The following PEBP4 variants were observed in gnomAD, a reference collection of about 807,000 sequenced individuals.
PEBP4 encodes the protein phosphatidylethanolamine-binding protein 4.
Under a neutral mutation model 23.9 loss-of-function variants are expected in PEBP4, and 22 were observed. The observed-to-expected ratio is 0.92, with a 90% CI of 0.66 to 1.31. PEBP4 has a LOEUF of 1.31. PEBP4 is among the 40% of genes most tolerant of loss of function. PEBP4 has a pLI of 0.00. For missense variants in PEBP4, 324 were observed against 281.7 expected (o/e 1.15, Z -1.07); for synonymous variants, 112 against 99.3 (o/e 1.13, Z -0.76).
At chr8:22,757,340 C>T in intron 4 of PEBP4, 1 of 152,282 alleles carries the variant, frequency 6.6e-6, no homozygotes. Flanking sequence ...ATTCCCACGA[C>T]AGGTTCCCGA....
chr8:22,741,114 C>T (rs150751660), intron 4 of PEBP4, among the ~76,000 whole-genome samples: 13 of 152,194 alleles, frequency 8.5e-5, no homozygotes, highest in East Asian at 1.9e-4. Context: ...GGGGCAGCCC[C>T]GGTGTGCAGG....
intron 4 of PEBP4, among the ~76,000 whole-genome samples, chr8:22,763,028 C>A (rs577865067): frequency 1.3e-5 from 2 of 149,996 alleles, no homozygotes; most frequent in Admixed American, 6.6e-5. Context: ...TTTTTGAGAT[C>A]GGGTCTTGCT....
At chr8:22,843,051 C>T (rs926037431) in intron 3 of PEBP4, among the ~76,000 whole-genome samples, 3 of 152,228 alleles carry the variant, frequency 2.0e-5, no homozygotes, top group African/African-American at 7.2e-5. Flanking sequence ...TGGTCTCGAA[C>T]TCCTGACCTT....
rs983205050 is a variant in PEBP4, at chr8:22,851,205, A to G, written c.259-33470T>C. On this transcript the variant is annotated intron_variant, in intron 3 of 6. Coordinates refer to ENST00000256404, the MANE Select transcript of PEBP4 (RefSeq NM_144962.3). ...CATGGTGCCTCTAGTAAGTTCTAAC[A>G]TGCAGGACTCCACGGAGACTCCTGG... 4.6e-5 allele frequency among the ~76,000 whole-genome samples: 7 copies of G among 152,172 alleles called. 1 individual carries two copies. The highest frequency in any genetic ancestry group is 9.7e-5 in the African/African-American group (4 of 41,442).
At chr8:22,841,867 T>A (rs986438503) in intron 3 of PEBP4, among the ~76,000 whole-genome samples, 1 of 152,256 alleles carries the variant, frequency 6.6e-6, no homozygotes, top group Non-Finnish European at 1.5e-5. Flanking sequence ...GTGCACTGCC[T>A]TCGCAGAGAA....
At chr8:22,723,693 C>T (rs1204248543) in intron 6 of PEBP4, among the ~76,000 whole-genome samples, 1 of 152,244 alleles carries the variant, frequency 6.6e-6, no homozygotes, top group Non-Finnish European at 1.5e-5. Context: ...TTTGGCAAAG[C>T]CGTTTAAACA....
intron 4 of PEBP4, among the ~76,000 whole-genome samples, chr8:22,791,085 C>T (rs1806127249): frequency 6.6e-6 from 1 of 152,164 alleles, no homozygotes; most frequent in Admixed American, 6.5e-5. Context: ...GGTAATGTTG[C>T]TGCACCATTG....
chr8:22,856,067 A>G (rs2128767899), intron 3 of PEBP4, among the ~76,000 whole-genome samples: 1 of 148,438 alleles, frequency 6.7e-6, no homozygotes, highest in Admixed American at 6.7e-5. Context: ...AAAAAAAAAA[A>G]GGAAACCTAA....
intron 3 of PEBP4, among the ~76,000 whole-genome samples, chr8:22,904,538 T>G (rs1808772204): frequency 6.6e-6 from 1 of 152,172 alleles, no homozygotes; most frequent in Non-Finnish European, 1.5e-5. Context: ...TCCTTCTTAT[T>G]AAAGTAATAC....
At chr8:22,719,536 G>C (rs796133785) in intron 6 of PEBP4, among the ~76,000 whole-genome samples, 14 of 152,272 alleles carry the variant, frequency 9.2e-5, no homozygotes, top group African/African-American at 3.4e-4. Flanking sequence ...GGGACAGCAG[G>C]ATGCAACTGT....
rs190625330 is a variant in PEBP4 at position 22,838,773 on chromosome 8, G to A, written c.259-21038C>T. Among the ~76,000 whole-genome samples the A allele has an allele frequency of 3.3e-5, 5 of 152,378 alleles. No individual in the cohort carries two copies. In the East Asian group the frequency reaches 9.6e-4, roughly 29 times the overall value. ...GCCGCCGCAGTCGCCAGGGCCCCTA[G>A]TGTGAAGGAATTTGAGTTCTAACTT... On this transcript the variant is annotated intron_variant, in intron 3 of 6. Transcript: ENST00000256404.
At chr8:22,805,747 T>C (rs1806481503) in intron 4 of PEBP4, among the ~76,000 whole-genome samples, 1 of 152,204 alleles carries the variant, frequency 6.6e-6, no homozygotes, top group Admixed American at 6.5e-5. Flanking sequence ...CTCTGCTCTC[T>C]TTTGCTATGA....
At chr8:22,798,068 GAGA>G (rs933840891) in intron 4 of PEBP4, among the ~76,000 whole-genome samples, 20 of 152,318 alleles carry the variant, frequency 1.3e-4, no homozygotes, top group Admixed American at 1.1e-3. Flanking sequence ...AGGGAGGCCA[GAGA>G]AGGAGAGAGG....
intron 4 of PEBP4, among the ~76,000 whole-genome samples, chr8:22,753,135 G>A (rs1805304147): frequency 6.6e-6 from 1 of 152,206 alleles, no homozygotes. Context: ...TGCAGAGACA[G>A]GGCTGGGTAC....
chr8:22,938,999 GGCCATCTTTT>G (rs1216468662), intron 1 of PEBP4, among the ~76,000 whole-genome samples: 5 of 152,150 alleles, frequency 3.3e-5, no homozygotes, highest in Non-Finnish European at 7.4e-5. Flanking sequence ...CATGCACTTG[GGCCATCTTTT>G]GTTATCAACT....
rs1199756272 is a variant in PEBP4, at chr8:22,865,356, GGGCGGTGACGGTGGCGGT to G, written c.259-47639_259-47622del. Reference sequence around the variant, plus strand: ...GCGGCGTCTCCCGCTGCCCACCCACGGGCGGTGACGGTGGCGGTGGCGGTGGCGGCGGCGGGACCCCGG... The same window carrying G: ...GCGGCGTCTCCCGCTGCCCACCCACGGGCGGTGGCGGCGGCGGGACCCCGG... On this transcript the variant is annotated intron_variant, in intron 3 of 6. Coordinates refer to ENST00000256404, the MANE Select transcript of PEBP4 (RefSeq NM_144962.3). This position sits in a 1 kb window ranked among gnomAD's most constrained non-coding sequence, Gnocchi z 6.9. Among the ~76,000 whole-genome samples the G allele has an allele frequency of 1.6e-5, 1 of 61,424 alleles. No individual in the cohort carries two copies. Among genetic ancestry groups the G allele is most frequent in the Admixed American group, 1.9e-4 (1 of 5,220 alleles). 40.3% of individuals were successfully genotyped at this position (61,424 alleles called of 152,430 possible). A position where few individuals can be genotyped will look rare whatever the true frequency, so the allele number is the denominator to read the frequency against.
intron 4 of PEBP4, among the ~76,000 whole-genome samples, chr8:22,783,612 G>A (rs1195900071): frequency 3.9e-5 from 6 of 152,196 alleles, no homozygotes; most frequent in Non-Finnish European, 8.8e-5. Flanking sequence ...TCACAGCAGC[G>A]ACCCTCAAGA....
Position 22,920,153 on chromosome 8 carries a change from C to A in PEBP4, c.258+31G>T, listed in dbSNP as rs767316373. On this transcript the variant is annotated intron_variant, in intron 3 of 6. Transcript: ENST00000256404. Reference sequence around the variant, plus strand: ...AGGAACATCAAGACCCCCAACTGTCCCCCCGCTTTAACACAGCCCTGCTCA... The same window carrying A: ...AGGAACATCAAGACCCCCAACTGTCACCCCGCTTTAACACAGCCCTGCTCA... 4 of 1,591,010 alleles carry A rather than the reference C, an allele frequency of 2.5e-6. No homozygotes were observed. In the Admixed American group the frequency reaches 6.7e-5, roughly 27 times the overall value.
chr8:22,923,173 C>G (rs1563262920), intron 2 of PEBP4, among the ~76,000 whole-genome samples: 2 of 152,170 alleles, frequency 1.3e-5, no homozygotes, highest in Non-Finnish European at 1.5e-5. Context: ...CTTGGCTGCA[C>G]TTTCTTCCCC....
Sources: gnomAD v4.1 joint callset for allele counts (sites outside exome capture counted in the v4.1 genomes callset) on GRCh38, gnomAD v4.1.1 for gene constraint, Gnocchi (gnomAD v3.1) non-coding constraint, MANE v1.5 for transcripts, NCBI Gene and HGNC (gene_info 2026-07-23, HGNC 2026-07-21) for gene names.